Variants in PPIL4 observed in about 807,000 individuals in gnomAD.
The protein encoded by PPIL4 is peptidylprolyl isomerase like 4.
Under a neutral mutation model 69.1 loss-of-function variants are expected in PPIL4, and 50 were observed. The ratio of observed to expected loss-of-function variants is 0.72; its 90% CI spans 0.58 to 0.92. The LOEUF (loss-of-function observed/expected upper bound fraction) is 0.92. Among genes scored for constraint, PPIL4 ranks in the 40% least tolerant of loss-of-function variants. PPIL4 has a pLI of 0.00. For missense variants in PPIL4, 480 were observed against 587.9 expected, an observed-to-expected ratio of 0.82 and a Z score of 1.90; for synonymous variants, 193 against 191.6, an observed-to-expected ratio of 1.01 and a Z score of -0.06.
rs1777228930 is a variant in PPIL4 at position 149,533,469 on chromosome 6, G to C, written c.667C>G (p.Leu223Val). 2 of 1,558,840 alleles carry C rather than the reference G, an allele frequency of 1.3e-6. No homozygotes were observed. The highest frequency in any genetic ancestry group is 2.7e-5 in the African/African-American group (2 of 73,804). Residue 223 changes from leucine to valine, a missense_variant, in exon 7 of 13, where the codon CTT becomes GTT. Coordinates refer to ENST00000253329, the MANE Select transcript of PPIL4 (RefSeq NM_139126.4). ...AEKEAKTQAILLEMVGDLPDA... is the reference protein window; with the variant it reads ...AEKEAKTQAIVLEMVGDLPDA... ...GATAATTATCTTACCATCTCCAAAAGTATAGCCTGAGTTTTAGCCTCTTTT... is the reference window on the plus strand; with the variant it reads ...GATAATTATCTTACCATCTCCAAAACTATAGCCTGAGTTTTAGCCTCTTTT...
At chr6:149,521,415 G>A (rs1349427637) in intron 9 of PPIL4, among the ~76,000 whole-genome samples, 3 of 152,156 alleles carry the variant, frequency 2.0e-5, no homozygotes, top group Non-Finnish European at 4.4e-5. Flanking sequence ...TTGTTGGCAA[G>A]GGTCAGAGCC....
At chr6:149,543,016 C>G (rs1047910566) in intron 1 of PPIL4, among the ~76,000 whole-genome samples, 22 of 152,158 alleles carry the variant, frequency 1.4e-4, no homozygotes, top group African/African-American at 5.1e-4. Flanking sequence ...GGTCCTTTTA[C>G]TAGAAACAAA....
intron 11 of PPIL4, 30 bp downstream of exon 11, chr6:149,517,324 T>C (rs778453370): frequency 4.2e-6 from 5 of 1,194,212 alleles, no homozygotes; most frequent in South Asian, 3.7e-5. Flanking sequence ...GGTCAATACA[T>C]ATTAACTAAC....
intron 1 of PPIL4, among the ~76,000 whole-genome samples, chr6:149,545,607 G>A (rs1210694785): frequency 6.6e-6 from 1 of 151,964 alleles, no homozygotes; most frequent in Non-Finnish European, 1.5e-5. Flanking sequence ...CACAATAAAG[G>A]CACAAAAGCT....
intron 1 of PPIL4, among the ~76,000 whole-genome samples, chr6:149,544,699 CAGA>C (rs1777412718): frequency 6.6e-6 from 1 of 152,010 alleles, no homozygotes; most frequent in South Asian, 2.1e-4. Flanking sequence ...GTAAGTTTGC[CAGA>C]AGGACAATAG....
intron 12 of PPIL4, among the ~76,000 whole-genome samples, chr6:149,507,195 G>A (rs1776781788): frequency 6.6e-6 from 1 of 152,202 alleles, no homozygotes; most frequent in South Asian, 2.1e-4. Context: ...TAAGGACTGG[G>A]TTTTAAGCAA....
chr6:149,514,770 G>C (rs2115028978), intron 11 of PPIL4, among the ~76,000 whole-genome samples: 1 of 149,524 alleles, frequency 6.7e-6, no homozygotes, highest in East Asian at 1.9e-4. Flanking sequence ...GTTCAAGTGT[G>C]TGTGTGTGTG....
intron 9 of PPIL4, among the ~76,000 whole-genome samples, chr6:149,521,919 T>C (rs1777036407): frequency 6.6e-6 from 1 of 152,208 alleles, no homozygotes; most frequent in Non-Finnish European, 1.5e-5. Flanking sequence ...AGTTACATAT[T>C]TCAACTCAGT....
intron 9 of PPIL4, among the ~76,000 whole-genome samples, chr6:149,524,900 CAAA>C (rs961035273): frequency 7.4e-6 from 1 of 134,720 alleles, no homozygotes. Flanking sequence ...GACCCTGTCT[CAAA>C]AAAAAAAAAA....
chr6:149,525,026 G>C (rs1562259464), intron 9 of PPIL4, 117 bp downstream of exon 9: 1 of 521,514 alleles, frequency 1.9e-6, no homozygotes, highest in Non-Finnish European at 3.4e-6. Flanking sequence ...ACTTAATTTT[G>C]GGGAGTGCCA....
chr6:149,515,473 C>T (rs1017057019), intron 11 of PPIL4, among the ~76,000 whole-genome samples: 48 of 152,170 alleles, frequency 3.2e-4, no homozygotes, highest in Admixed American at 1.3e-4. Flanking sequence ...TCTAACCTCT[C>T]GCCCCCTATT....
intron 11 of PPIL4, among the ~76,000 whole-genome samples, chr6:149,516,303 G>A (rs764653170): frequency 1.4e-4 from 22 of 152,148 alleles, no homozygotes; most frequent in Non-Finnish European, 2.6e-4. Context: ...GCATGTGAAA[G>A]CCTCTCCTTA....
At chr6:149,512,346 A>G (rs1388232812) in intron 11 of PPIL4, 44 bp from the exon 12 acceptor site, 1 of 1,461,596 alleles carries the variant, frequency 6.8e-7, no homozygotes, top group Non-Finnish European at 9.4e-7. Context: ...TAATACTGGT[A>G]AGACATCAAA....
chr6:149,517,576 A>C, intron 10 of PPIL4, 126 bp from the exon 11 acceptor site: 2 of 528,630 alleles, frequency 3.8e-6, no homozygotes, highest in Non-Finnish European at 6.6e-6. Flanking sequence ...GAGAAAGGGA[A>C]CAAAAGAATC....
intron 12 of PPIL4, among the ~76,000 whole-genome samples, chr6:149,511,415 G>T (rs1191888057): frequency 6.6e-6 from 1 of 151,696 alleles, no homozygotes; most frequent in East Asian, 1.9e-4. Context: ...GTGTGTGTGT[G>T]TGTGTACTTT....
At chr6:149,525,622 T>C (rs1458065944) in intron 8 of PPIL4, among the ~76,000 whole-genome samples, 3 of 152,180 alleles carry the variant, frequency 2.0e-5, no homozygotes, top group Non-Finnish European at 2.9e-5. Flanking sequence ...CATATATAAA[T>C]GTTTAAGTTC....
At position 149,540,931 on chromosome 6, in the gene PPIL4, C is replaced by A; in HGVS notation, c.321+11G>T. 1.4e-6 allele frequency: 2 copies of A among 1,479,208 alleles called. No homozygotes were observed. Among genetic ancestry groups the A allele is most frequent in the Non-Finnish European group, 1.9e-6 (2 of 1,060,180 alleles). 91.6% of individuals were successfully genotyped at this position (1,479,208 alleles called of 1,614,324 possible). ...TCTAAGCAAATCTCATATTCTTACTCATTTCCTAACCTGAGATCCATGTTG... is the reference window on the plus strand; with the variant it reads ...TCTAAGCAAATCTCATATTCTTACTAATTTCCTAACCTGAGATCCATGTTG... On this transcript the variant is annotated intron_variant, in intron 4 of 12. Transcript: ENST00000253329.
intron 10 of PPIL4, among the ~76,000 whole-genome samples, chr6:149,520,458 AC>A (rs1476092192): frequency 1.3e-5 from 2 of 152,180 alleles, no homozygotes; most frequent in Admixed American, 1.3e-4. Context: ...CAAAATAATT[AC>A]TTTGGAAACA....
At chr6:149,540,015 G>A (rs896461629) in intron 4 of PPIL4, among the ~76,000 whole-genome samples, 9 of 152,078 alleles carry the variant, frequency 5.9e-5, no homozygotes, top group Non-Finnish European at 1.2e-4. Context: ...CTGTAATCCC[G>A]CTACTCGGGA....
Sources: allele counts gnomAD v4.1 joint callset (sites outside exome capture counted in the v4.1 genomes callset), GRCh38; gene constraint gnomAD v4.1.1; transcripts MANE v1.5; gene names NCBI Gene and HGNC (gene_info 2026-07-23, HGNC 2026-07-21).